The following WDR4 variants were observed in gnomAD, a reference collection of about 807,000 sequenced individuals.
WDR4 encodes the protein tRNA (guanine-N(7)-)-methyltransferase non-catalytic subunit WDR4.
Under a neutral mutation model 48.6 loss-of-function variants are expected in WDR4, and 47 were observed. The ratio of observed to expected loss-of-function variants is 0.97; its 90% CI spans 0.77 to 1.23. The LOEUF (loss-of-function observed/expected upper bound fraction) is 1.23, where lower values mean the gene tolerates loss of function less well. WDR4 is among the 50% of genes most tolerant of loss of function. The probability of loss-of-function intolerance (pLI) is 0.00; values close to 1 mark genes in which losing one functional copy is unlikely to be tolerated. For synonymous variants in WDR4, 268 were observed against 230.0 expected (o/e 1.17, Z -1.49); for missense variants, 606 against 551.6 (o/e 1.10, Z -0.99).
chr21:42,871,801 C>T (rs1471021875), intron 3 of WDR4, among the ~76,000 whole-genome samples: 1 of 152,152 alleles, frequency 6.6e-6, no homozygotes, highest in African/African-American at 2.4e-5. Flanking sequence ...CATCTATTAC[C>T]TACCTGATAC....
the WDR4 span, among the ~76,000 whole-genome samples, chr21:42,885,884 C>T: frequency 6.6e-6 from 1 of 151,424 alleles, no homozygotes; most frequent in African/African-American, 2.4e-5. Context: ...TTTGTAGAGA[C>T]GGGGGTCTTG....
chr21:42,878,395 A>C (rs913308548), intron 1 of WDR4, among the ~76,000 whole-genome samples: 3 of 152,246 alleles, frequency 2.0e-5, no homozygotes, highest in East Asian at 1.9e-4. Context: ...GAAGGTAAGC[A>C]AATCATGTCT....
chr21:42,879,207 G>A, intron 1 of WDR4, 200 bp downstream of exon 1: 1 of 1,331,610 alleles, frequency 7.5e-7, no homozygotes, highest in Non-Finnish European at 9.6e-7. Context: ...GACGCCGAGA[G>A]CGGACGGCGA....
Position 42,871,968 on chromosome 21 carries a change from T to C in WDR4, c.296+1583A>G, listed in dbSNP as rs1601170487. Among the ~76,000 whole-genome samples the C allele has an allele frequency of 3.3e-5, 5 of 149,752 alleles. No homozygotes were observed. In the South Asian group the frequency reaches 1.1e-3, roughly 32 times the overall value. ...GAGGACAGAGCAGGCATTCATTGCT[T>C]TTGATGCCACCTAGAATTTGGCTTT... On this transcript the variant is annotated intron_variant, in intron 3 of 10. Transcript: ENST00000398208.
upstream of WDR4, among the ~76,000 whole-genome samples, chr21:42,882,698 C>CA (rs1392921876): frequency 2.6e-5 from 4 of 152,068 alleles, no homozygotes; most frequent in East Asian, 5.8e-4. Flanking sequence ...CACGGTGACT[C>CA]ACACCTGTAA....
intron 3 of WDR4, among the ~76,000 whole-genome samples, chr21:42,866,673 TAA>T (rs2058254041): frequency 6.6e-6 from 1 of 151,978 alleles, no homozygotes. Flanking sequence ...CAGCTCCTGA[TAA>T]AACTCACCCT....
the WDR4 span, among the ~76,000 whole-genome samples, chr21:42,892,208 G>A: frequency 1.1e-4 from 16 of 149,068 alleles, 1 homozygote; most frequent in Admixed American, 1.1e-3. Context: ...GAGCCAAGAT[G>A]GCGCCACTGC....
the WDR4 span, among the ~76,000 whole-genome samples, chr21:42,886,250 C>T: frequency 6.6e-6 from 1 of 152,184 alleles, no homozygotes; most frequent in African/African-American, 2.4e-5. Flanking sequence ...AGCCACCGTG[C>T]CCAGCCTAGA....
chr21:42,892,253 CAAAAA>C, the WDR4 span, among the ~76,000 whole-genome samples: 2 of 122,680 alleles, frequency 1.6e-5, no homozygotes, highest in Non-Finnish European at 3.7e-5. Flanking sequence ...GACTCCGTCT[CAAAAA>C]AAAAAAAAAA....
At chr21:42,863,780 G>A (rs1490703952) in intron 3 of WDR4, among the ~76,000 whole-genome samples, 184 bp from the exon 4 acceptor site, 2 of 151,866 alleles carry the variant, frequency 1.3e-5, no homozygotes, top group Non-Finnish European at 2.9e-5. Flanking sequence ...CAATGCCTTC[G>A]ACAAATTTAC....
At chr21:42,892,355 G>T in the WDR4 span, among the ~76,000 whole-genome samples, 1 of 151,964 alleles carries the variant, frequency 6.6e-6, no homozygotes, top group African/African-American at 2.4e-5. Context: ...TAAGATCTAA[G>T]GTTATTCTTT....
intron 1 of WDR4, 34 bp downstream of exon 1, chr21:42,879,373 T>C (rs761856557): frequency 6.2e-7 from 1 of 1,604,888 alleles, no homozygotes; most frequent in Admixed American, 1.7e-5. Context: ...GCCCGCAGCC[T>C]GGTCTCCCTG....
chr21:42,867,724 T>C (rs1325325228), intron 3 of WDR4, among the ~76,000 whole-genome samples: 1 of 152,110 alleles, frequency 6.6e-6, no homozygotes, highest in East Asian at 1.9e-4. Context: ...ACTCTTGGAC[T>C]TGTGCTTTTT....
intron 8 of WDR4, 101 bp downstream of exon 8, chr21:42,854,461 A>C: frequency 1.6e-6 from 2 of 1,214,496 alleles, no homozygotes; most frequent in Non-Finnish European, 2.3e-6. Context: ...ACCACCGTTC[A>C]GGACCTCTTC....
intron 8 of WDR4, among the ~76,000 whole-genome samples, chr21:42,854,303 C>T (rs2057925915): frequency 6.6e-6 from 1 of 152,220 alleles, no homozygotes; most frequent in Non-Finnish European, 1.5e-5. Context: ...TCTGTCATCT[C>T]AGAAGGCCAG....
At chr21:42,879,982 T>C (rs1043526958), upstream of WDR4, 2 of 389,900 alleles carry the variant, frequency 5.1e-6, no homozygotes, top group Non-Finnish European at 9.1e-6. Context: ...GTACAAAAAT[T>C]TGTTGGGCGT....
downstream of WDR4, among the ~76,000 whole-genome samples, chr21:42,844,272 C>A (rs141644766): frequency 1.0e-3 from 154 of 152,192 alleles, no homozygotes; most frequent in African/African-American, 3.5e-3. Context: ...AATGACAAAG[C>A]CTACAAATCT....
rs369890326 is a variant in WDR4 at position 42,862,081 on chromosome 21, G to T, written c.566+201C>A. 8.5e-5 allele frequency among the ~76,000 whole-genome samples: 13 copies of T among 152,326 alleles called. No homozygotes were observed. The highest frequency in any genetic ancestry group is 3.1e-4 in the African/African-American group (13 of 41,576). ...GCCAAGTTACTGGCACAGACTCCGG[G>T]TAACAGCGCAGAGTGAACCCCACCC... On this transcript the variant is annotated intron_variant, in intron 5 of 10. Transcript: ENST00000398208. The surrounding 1 kb of genome is among the most constrained non-coding windows in gnomAD (Gnocchi z 4.3).
chr21:42,860,567 T>C (rs1156484850), intron 5 of WDR4, among the ~76,000 whole-genome samples: 3 of 152,186 alleles, frequency 2.0e-5, no homozygotes, highest in East Asian at 1.9e-4. Context: ...TCTGCTACCT[T>C]GGGCTAGCCA....
Sources: gnomAD v4.1 joint callset for allele counts (sites outside exome capture counted in the v4.1 genomes callset) on GRCh38, gnomAD v4.1.1 for gene constraint, Gnocchi (gnomAD v3.1) non-coding constraint, MANE v1.5 for transcripts, NCBI Gene and HGNC (gene_info 2026-07-23, HGNC 2026-07-21) for gene names.